The following QPCT variants were observed in gnomAD, a reference collection of about 807,000 sequenced individuals.
QPCT encodes EC.
QPCT carries 44 observed loss-of-function variants against 43.4 expected under a neutral mutation model. The ratio of observed to expected loss-of-function variants is 1.01; its 90% confidence interval spans 0.80 to 1.30. The LOEUF (loss-of-function observed/expected upper bound fraction) is 1.30, where lower values mean the gene tolerates loss of function less well. Ranked by LOEUF, QPCT falls within the 50% of genes most tolerant of loss-of-function variation. The pLI, the probability that QPCT is intolerant of heterozygous loss-of-function variation, is 0.00. For missense variants in QPCT, 526 were observed against 436.5 expected, an observed-to-expected ratio of 1.21 and a Z score of -1.83; for synonymous variants, 168 against 168.4, an observed-to-expected ratio of 1.00 and a Z score of 0.02.
chr2:37,370,297 A>G (rs972410101), intron 5 of QPCT, among the ~76,000 whole-genome samples: 2 of 152,088 alleles, frequency 1.3e-5, no homozygotes, highest in African/African-American at 4.8e-5. Context: ...TCTTTGTAGT[A>G]AGCCCAGTTT....
At chr2:37,348,433 C>T (rs919980122) in intron 1 of QPCT, among the ~76,000 whole-genome samples, 2 of 152,130 alleles carry the variant, frequency 1.3e-5, no homozygotes, top group Non-Finnish European at 1.5e-5. Flanking sequence ...TCAGTGGCAT[C>T]CGACACACAG....
At chr2:37,365,547 A>G (rs1247822796) in intron 3 of QPCT, among the ~76,000 whole-genome samples, 1 of 152,242 alleles carries the variant, frequency 6.6e-6, no homozygotes, top group Non-Finnish European at 1.5e-5. Flanking sequence ...TGGGCAGTAG[A>G]TGGTGGAGAT....
chr2:37,367,179 T>C, intron 3 of QPCT, 53 bp from the exon 4 acceptor site: 2 of 1,516,852 alleles, frequency 1.3e-6, no homozygotes, highest in Non-Finnish European at 1.8e-6. Context: ...AATCATGCTA[T>C]TTTTCATCAT....
At chr2:37,367,465 G>T (rs188364110) in intron 4 of QPCT, 57 bp downstream of exon 4, 1 of 1,548,388 alleles carries the variant, frequency 6.5e-7, no homozygotes, top group Non-Finnish European at 8.7e-7. Context: ...CCAAGGAAAA[G>T]GTTGCAAAAG....
At chr2:37,351,724 A>T (rs1021045954) in intron 1 of QPCT, among the ~76,000 whole-genome samples, 2 of 152,172 alleles carry the variant, frequency 1.3e-5, no homozygotes, top group African/African-American at 4.8e-5. Flanking sequence ...TCTACTAAAA[A>T]TACAAAAATT....
intron 2 of QPCT, among the ~76,000 whole-genome samples, chr2:37,354,291 C>G (rs778663116): frequency 6.6e-6 from 1 of 152,200 alleles, no homozygotes. Flanking sequence ...AGGAATTAGA[C>G]GGTAGACACC....
chr2:37,361,274 A>T (rs759883393), intron 3 of QPCT, among the ~76,000 whole-genome samples: 1 of 152,170 alleles, frequency 6.6e-6, no homozygotes, highest in Non-Finnish European at 1.5e-5. Context: ...GATTGGGTAG[A>T]CGGTGGTGGA....
intron 1 of QPCT, among the ~76,000 whole-genome samples, chr2:37,346,534 A>T (rs1050823105): frequency 6.6e-6 from 1 of 152,304 alleles, no homozygotes; most frequent in South Asian, 2.1e-4. Context: ...GGCAGGGGGT[A>T]TTTATGGGTG....
At chr2:37,369,095 T>C (rs1312261935) in intron 4 of QPCT, among the ~76,000 whole-genome samples, 1 of 152,026 alleles carries the variant, frequency 6.6e-6, no homozygotes, top group African/African-American at 2.4e-5. Flanking sequence ...CTTCAGAGAG[T>C]CCTCGTGATG....
At chr2:37,351,604 G>T (rs1366203222) in intron 1 of QPCT, among the ~76,000 whole-genome samples, 1 of 152,184 alleles carries the variant, frequency 6.6e-6, no homozygotes, top group Admixed American at 6.5e-5. Context: ...ACTCAGGGCT[G>T]GGTGCGGTGG....
At chr2:37,372,615 G>A in intron 6 of QPCT, 67 bp from the exon 7 acceptor site, 1 of 1,547,642 alleles carries the variant, frequency 6.5e-7, no homozygotes, top group Non-Finnish European at 8.9e-7. Flanking sequence ...TCTGCTTGAA[G>A]AATGACCCTT....
intron 3 of QPCT, among the ~76,000 whole-genome samples, chr2:37,361,182 C>A (rs1672851562): frequency 1.3e-5 from 2 of 152,094 alleles, no homozygotes; most frequent in Admixed American, 1.3e-4. Context: ...TGAATGCAGA[C>A]TTTGAGAGTA....
chr2:37,347,740 C>A (rs998220433), intron 1 of QPCT, among the ~76,000 whole-genome samples: 1 of 152,160 alleles, frequency 6.6e-6, no homozygotes, highest in Non-Finnish European at 1.5e-5. Flanking sequence ...TTAGTACAGG[C>A]CCATTCCTTT....
intron 1 of QPCT, among the ~76,000 whole-genome samples, chr2:37,347,895 G>A (rs1672536887): frequency 6.6e-6 from 1 of 152,166 alleles, no homozygotes; most frequent in African/African-American, 2.4e-5. Flanking sequence ...TTCTATTGAA[G>A]TCTTCTAATT....
intron 1 of QPCT, among the ~76,000 whole-genome samples, chr2:37,347,233 T>TATATATAAC (rs1672523686): frequency 3.5e-5 from 3 of 85,048 alleles, no homozygotes; most frequent in East Asian, 3.5e-4. Flanking sequence ...ATATATAACA[T>TATATATAAC]ATATATATAT....
At chr2:37,347,437 G>C (rs1672528809) in intron 1 of QPCT, among the ~76,000 whole-genome samples, 1 of 151,080 alleles carries the variant, frequency 6.6e-6, no homozygotes, top group Non-Finnish European at 1.5e-5. Flanking sequence ...ATGAGTCCTG[G>C]CTGATGTACC....
intron 1 of QPCT, 133 bp downstream of exon 1, chr2:37,344,984 C>G: frequency 7.5e-7 from 1 of 1,327,448 alleles, no homozygotes; most frequent in Non-Finnish European, 9.9e-7. Flanking sequence ...GCACCGGCGC[C>G]CCACCCGGCG....
Position 37,373,131 on chromosome 2 carries a change from C to G in QPCT, c.*304C>G. On this transcript the variant is annotated 3_prime_UTR_variant, in exon 7 of 7. Transcript: ENST00000338415. ...ACGATGAGGCAAAATCAGGTTCATT[C>G]ATTCAACGATAGTTTCTCAACAGTA... 1 of 196,674 alleles carries G rather than the reference C, an allele frequency of 5.1e-6. No individual in the cohort carries two copies. The highest frequency in any genetic ancestry group is 1.0e-5 in the Non-Finnish European group (1 of 97,722). The allele number at this position is 196,674 out of a possible 1,614,324, so 12.2% of individuals were successfully genotyped here.
At chr2:37,348,524 A>G (rs192326060) in intron 1 of QPCT, among the ~76,000 whole-genome samples, 1 of 152,352 alleles carries the variant, frequency 6.6e-6, no homozygotes, top group African/African-American at 2.4e-5. Flanking sequence ...GGAGACATTC[A>G]TATAGAATAG....
Sources: allele counts gnomAD v4.1 joint callset (sites outside exome capture counted in the v4.1 genomes callset), GRCh38; gene constraint gnomAD v4.1.1; transcripts MANE v1.5; gene names NCBI Gene and HGNC (gene_info 2026-07-23, HGNC 2026-07-21).